TRAF3IP1: variants seen among roughly 807,000 people sequenced by gnomAD.
The protein encoded by TRAF3IP1 is intraflagellar transport 54, also known as TRAF3-interacting protein 1.
In TRAF3IP1, 53 loss-of-function variants were observed where a neutral mutation model predicts 89.9. The ratio of observed to expected loss-of-function variants is 0.59; its 90% confidence interval spans 0.47 to 0.74. The LOEUF is 0.74. TRAF3IP1 is among the 30% of genes least tolerant of loss of function. TRAF3IP1 has a pLI of 0.00. For missense variants in TRAF3IP1, 806 were observed against 866.1 expected, an observed-to-expected ratio of 0.93 and a Z score of 0.87; for synonymous variants, 311 against 322.1, an observed-to-expected ratio of 0.97 and a Z score of 0.37.
chr2:238,338,159 A>T (rs1030793369), intron 7 of TRAF3IP1, among the ~76,000 whole-genome samples: 3 of 152,098 alleles, frequency 2.0e-5, no homozygotes, highest in African/African-American at 7.2e-5. Context: ...CTTGGAGAGG[A>T]AGAAAGTGTT....
intron 15 of TRAF3IP1, among the ~76,000 whole-genome samples, chr2:238,357,128 TC>T (rs1429975912): frequency 2.0e-5 from 3 of 152,090 alleles, no homozygotes; most frequent in Non-Finnish European, 4.4e-5. Context: ...TGTACCTGGT[TC>T]CCCGCAGTCT....
In TRAF3IP1 at chr2:238,320,643, A is replaced by G. The variant is rs1697473741; in HGVS notation, c.-20A>G. 3.8e-6 allele frequency: 5 copies of G among 1,323,670 alleles called. No individual in the cohort carries two copies. In the East Asian group the frequency reaches 1.8e-4, roughly 49 times the overall value. 82.0% of individuals were successfully genotyped at this position (1,323,670 alleles called of 1,614,324 possible). A position where few individuals can be genotyped will look rare whatever the true frequency, so the allele number is the denominator to read the frequency against. ...GGCCGGCTGAGGGGCGCGGGCGGCC[A>G]GCGGGCGGCGGACGCCGTCATGAAC... On this transcript the variant is annotated 5_prime_UTR_variant, in exon 1 of 17. Transcript: ENST00000373327.
chr2:238,320,684 C>T lies in TRAF3IP1; in HGVS notation c.22C>T (p.Arg8Trp), dbSNP rs1697477035. ...CGTCATGAACGCGGCGGTGGTGAGG[C>T]GGACGCAGGAGGCGCTGGGGAAAGT... MNAAVVR[R>W]TQEALGKVIR... Residue 8 changes from arginine (R) to tryptophan (W), a missense_variant, in exon 1 of 17, where the codon CGG becomes TGG. Coordinates refer to ENST00000373327, the MANE Select transcript of TRAF3IP1 (RefSeq NM_015650.4). 2.1e-6 allele frequency: 3 copies of T among 1,413,744 alleles called. No individual in the cohort carries two copies. The highest frequency in any genetic ancestry group is 2.8e-6 in the Non-Finnish European group (3 of 1,069,090). The allele number at this position is 1,413,744 out of a possible 1,614,324, so 87.6% of individuals were successfully genotyped here.
intron 5 of TRAF3IP1, among the ~76,000 whole-genome samples, chr2:238,331,706 G>A (rs531562161): frequency 2.4e-4 from 37 of 152,254 alleles, no homozygotes; most frequent in Admixed American, 2.0e-3. Context: ...TCATTGAGCC[G>A]CGTAGGTCTG....
At chr2:238,333,270 C>T (rs1698216451) in intron 6 of TRAF3IP1, among the ~76,000 whole-genome samples, 1 of 152,116 alleles carries the variant, frequency 6.6e-6, no homozygotes, top group South Asian at 2.1e-4. Context: ...GGGACCCCTC[C>T]AACCTCTGGT....
intron 8 of TRAF3IP1, among the ~76,000 whole-genome samples, chr2:238,339,137 T>A (rs1447358134): frequency 3.9e-5 from 6 of 152,248 alleles, no homozygotes; most frequent in Admixed American, 2.6e-4. Flanking sequence ...GGAGCGTAGC[T>A]GGAATACCGA....
intron 15 of TRAF3IP1, among the ~76,000 whole-genome samples, chr2:238,366,419 G>A (rs1163472169): frequency 6.6e-6 from 1 of 151,490 alleles, no homozygotes; most frequent in African/African-American, 2.4e-5. Context: ...TCATGATAAG[G>A]ATAAAATATG....
chr2:238,355,951 GT>G, intron 14 of TRAF3IP1, 52 bp from the exon 15 acceptor site: 1 of 1,393,026 alleles, frequency 7.2e-7, no homozygotes, highest in Non-Finnish European at 1.0e-6. Flanking sequence ...TTTAGAATAG[GT>G]TTTTGGGATA....
chr2:238,343,957 C>A (rs1436996789), intron 8 of TRAF3IP1, among the ~76,000 whole-genome samples: 3 of 148,034 alleles, frequency 2.0e-5, no homozygotes, highest in East Asian at 3.9e-4. Context: ...CTGTGCCCAG[C>A]CTGTTTTTTT....
intron 15 of TRAF3IP1, among the ~76,000 whole-genome samples, chr2:238,368,418 A>G (rs1377067320): frequency 1.3e-5 from 2 of 152,164 alleles, no homozygotes; most frequent in Non-Finnish European, 2.9e-5. Flanking sequence ...TTTCTGATTG[A>G]AATCTCCGTA....
intron 15 of TRAF3IP1, among the ~76,000 whole-genome samples, chr2:238,377,376 T>A (rs1004829203): frequency 1.4e-5 from 2 of 147,456 alleles, no homozygotes; most frequent in Non-Finnish European, 3.0e-5. Context: ...TGCAGGCGAG[T>A]GCCACTCTGC....
chr2:238,325,335 C>A lies in TRAF3IP1; in HGVS notation c.153C>A (p.Gly51=). 6.2e-7 allele frequency: 1 copy of A among 1,613,972 alleles called. No individual in the cohort carries two copies. Among genetic ancestry groups the A allele is most frequent in the Non-Finnish European group, 8.5e-7 (1 of 1,180,010 alleles). ...TTAGAATGACTGGTTTCATGAAGGG[C>A]CTCTACACAGACGCCGAGATGAAGT... ...EVIRMTGFMK[G]LYTDAEMKSD... The change falls in exon 2 of 17, where the codon GGC becomes GGA. Residue 51 remains glycine, a synonymous_variant. Coordinates refer to ENST00000373327, the MANE Select transcript of TRAF3IP1 (RefSeq NM_015650.4).
At chr2:238,321,576 C>G (rs891596631) in intron 1 of TRAF3IP1, among the ~76,000 whole-genome samples, 3 of 152,194 alleles carry the variant, frequency 2.0e-5, no homozygotes, top group Admixed American at 2.0e-4. Context: ...GACGGAGACC[C>G]TGGCTTGCTT....
chr2:238,352,749 G>T, intron 12 of TRAF3IP1, 78 bp from the exon 13 acceptor site: 3 of 1,420,700 alleles, frequency 2.1e-6, no homozygotes, highest in Middle Eastern at 1.9e-4. Flanking sequence ...CCTCTCTGCC[G>T]ACCTCTGACA....
intron 15 of TRAF3IP1, among the ~76,000 whole-genome samples, chr2:238,375,391 A>G (rs1417719244): frequency 1.3e-5 from 2 of 152,200 alleles, no homozygotes; most frequent in African/African-American, 2.4e-5. Context: ...TTATGTACCC[A>G]GTAGTCATTC....
intron 12 of TRAF3IP1, among the ~76,000 whole-genome samples, chr2:238,349,743 T>C (rs190564697): frequency 2.6e-5 from 4 of 152,180 alleles, no homozygotes; most frequent in African/African-American, 9.6e-5. Flanking sequence ...AGGGGCTTAA[T>C]TGCAGAAAAA....
chr2:238,333,166 T>C (rs1698212435), intron 6 of TRAF3IP1, among the ~76,000 whole-genome samples: 2 of 152,182 alleles, frequency 1.3e-5, no homozygotes. Flanking sequence ...TGTGGTGTGA[T>C]AGGGCTGTCA....
At chr2:238,329,798 A>C (rs1698031079) in intron 5 of TRAF3IP1, among the ~76,000 whole-genome samples, 1 of 152,220 alleles carries the variant, frequency 6.6e-6, no homozygotes, top group Non-Finnish European at 1.5e-5. Context: ...TGGGCTTTTC[A>C]GATCATGAAA....
intron 15 of TRAF3IP1, among the ~76,000 whole-genome samples, chr2:238,366,422 A>G (rs1419401600): frequency 6.6e-6 from 1 of 152,198 alleles, no homozygotes; most frequent in Non-Finnish European, 1.5e-5. Flanking sequence ...TGATAAGGAT[A>G]AAATATGAGT....
Sources: allele counts gnomAD v4.1 joint callset (sites outside exome capture counted in the v4.1 genomes callset), GRCh38; gene constraint gnomAD v4.1.1; transcripts MANE v1.5; gene names NCBI Gene and HGNC (gene_info 2026-07-23, HGNC 2026-07-21).